Variants in PHEX observed in about 807,000 individuals in gnomAD.
PHEX encodes phosphate regulating endopeptidase X-linked, also known as phosphate-regulating neutral endopeptidase PHEX.
A neutral mutation model predicts 68.0 loss-of-function variants in PHEX; 16 were observed. That is an observed-to-expected ratio of 0.24 (90% CI 0.16 to 0.36). PHEX has a LOEUF of 0.36. PHEX is among the 10% of genes least tolerant of loss of function. The pLI is 1.00. For synonymous variants in PHEX, 208 were observed against 205.1 expected, an observed-to-expected ratio of 1.01 and a Z score of -0.12; for missense variants, 480 against 575.5, an observed-to-expected ratio of 0.83 and a Z score of 1.70.
chrX:22,036,972 G>A (rs997710925), intron 1 of PHEX, among the ~76,000 whole-genome samples: 10 of 107,609 alleles, frequency 9.3e-5, no homozygotes, highest in Non-Finnish European at 1.9e-4. Flanking sequence ...GGTGGCGGGT[G>A]CCTGTAGTCC....
chrX:22,114,892 T>C (rs1313334928), intron 11 of PHEX, among the ~76,000 whole-genome samples: 1 of 111,272 alleles, frequency 9.0e-6, no homozygotes, highest in Non-Finnish European at 1.9e-5. Flanking sequence ...TAGGTGAGGT[T>C]TGAGGTATTG....
At chrX:22,055,770 A>G (rs1301779059) in intron 3 of PHEX, among the ~76,000 whole-genome samples, 1 of 111,780 alleles carries the variant, frequency 8.9e-6, no homozygotes, top group African/African-American at 3.3e-5. Flanking sequence ...CGTGTTGGCC[A>G]GGCTGGTCTT....
chrX:22,061,221 T>C (rs1406357340), intron 3 of PHEX, among the ~76,000 whole-genome samples: 3 of 112,173 alleles, frequency 2.7e-5, no homozygotes, highest in Admixed American at 9.5e-5. Flanking sequence ...ATACTCTGAA[T>C]TGGTCAACGG....
chrX:22,165,891 A>G (rs1933298325), intron 12 of PHEX, among the ~76,000 whole-genome samples: 1 of 112,258 alleles, frequency 8.9e-6, no homozygotes, highest in Admixed American at 9.5e-5. Context: ...GTCTGACCCA[A>G]TTATTCAACT....
intron 3 of PHEX, among the ~76,000 whole-genome samples, chrX:22,055,688 A>G (rs1410076017): frequency 9.0e-6 from 1 of 110,967 alleles, no homozygotes; most frequent in Non-Finnish European, 1.9e-5. Flanking sequence ...CAGCTTCCTG[A>G]GTAGCTGGGA....
rs186375822 is a variant in PHEX, at chrX:22,216,455, A to C, written c.1701-2581A>C. Among the ~76,000 whole-genome samples the C allele has an allele frequency of 2.8e-3, 312 of 111,281 alleles. 1 individual carries two copies. The highest frequency in any genetic ancestry group is 9.3e-3 in the African/African-American group (286 of 30,709). ...CTTCCAGTTTCTGGCCAGCCAGTCAAGGTTGCATTTTAAAAGGGCGAGTTT... is the reference window on the plus strand; with the variant it reads ...CTTCCAGTTTCTGGCCAGCCAGTCACGGTTGCATTTTAAAAGGGCGAGTTT... On this transcript the variant is annotated intron_variant, in intron 16 of 21. Transcript: ENST00000379374.
chrX:22,044,367 G>T (rs1459044316), intron 2 of PHEX, among the ~76,000 whole-genome samples: 1 of 111,368 alleles, frequency 9.0e-6, no homozygotes, highest in South Asian at 3.7e-4. Context: ...CCAAAAGAAA[G>T]ATTTTGTTAT....
chrX:22,154,821 C>T (rs901170957), intron 12 of PHEX, among the ~76,000 whole-genome samples: 17 of 112,107 alleles, frequency 1.5e-4, no homozygotes, highest in African/African-American at 1.6e-4. Context: ...CTAAGCTAGA[C>T]GATGCCAGTG....
At chrX:22,074,970 G>A (rs189320666) in intron 3 of PHEX, among the ~76,000 whole-genome samples, 1 of 109,063 alleles carries the variant, frequency 9.2e-6, no homozygotes, top group African/African-American at 3.4e-5. Flanking sequence ...TCAGCTACTC[G>A]GGAGGCTGAG....
chrX:22,172,017 A>G (rs1933551489), intron 13 of PHEX: 2 of 112,368 alleles, frequency 1.8e-5, no homozygotes, highest in African/African-American at 3.2e-5. Flanking sequence ...ATAAAAGCAA[A>G]TGAGATAGAA....
chrX:22,236,550 A>C (rs1193265186), intron 20 of PHEX, among the ~76,000 whole-genome samples: 2 of 113,160 alleles, frequency 1.8e-5, no homozygotes, highest in African/African-American at 6.4e-5. Flanking sequence ...AGAACTTTCT[A>C]GAGTTGGGAT....
intron 12 of PHEX, among the ~76,000 whole-genome samples, chrX:22,146,632 C>T (rs919151566): frequency 4.5e-5 from 5 of 110,199 alleles, no homozygotes; most frequent in African/African-American, 1.3e-4. Flanking sequence ...GCCTGGCCAA[C>T]GTGGCGAAAT....
chrX:22,127,983 G>T (rs1931810095), intron 11 of PHEX, among the ~76,000 whole-genome samples: 1 of 111,774 alleles, frequency 8.9e-6, no homozygotes, highest in Admixed American at 9.5e-5. Flanking sequence ...GCAGTGGGCT[G>T]AAATGTTTTT....
intron 4 of PHEX, 91 bp downstream of exon 4, chrX:22,076,565 G>T (rs879199639): frequency 1.7e-6 from 1 of 599,251 alleles, no homozygotes; most frequent in South Asian, 2.5e-5. Flanking sequence ...AGGAAGAAGA[G>T]AACTACTAAG....
intron 20 of PHEX, among the ~76,000 whole-genome samples, chrX:22,229,997 G>A (rs1253236602): frequency 9.0e-6 from 1 of 111,182 alleles, no homozygotes; most frequent in African/African-American, 3.3e-5. Flanking sequence ...TATTAAATAG[G>A]GAATCCTTTC....
intron 2 of PHEX, among the ~76,000 whole-genome samples, chrX:22,040,054 G>A (rs925687458): frequency 1.2e-4 from 13 of 111,717 alleles, no homozygotes; most frequent in African/African-American, 1.6e-4. Context: ...AAACCTGGGG[G>A]TCCCACACAC....
chrX:22,228,716 A>ATACTT (rs376716075), intron 20 of PHEX, among the ~76,000 whole-genome samples: 14,692 of 106,970 alleles, frequency 0.14, 889 homozygotes, highest in African/African-American at 0.21. Flanking sequence ...CAGATGTTTC[A>ATACTT]TACTTTACTT....
At chrX:22,192,603 C>T (rs1204986453) in intron 15 of PHEX, among the ~76,000 whole-genome samples, 2 of 112,003 alleles carry the variant, frequency 1.8e-5, no homozygotes, top group Non-Finnish European at 3.8e-5. Context: ...TTATAGAGCA[C>T]ACCTGACACG....
chrX:22,056,182 C>G (rs1481716311), intron 3 of PHEX, among the ~76,000 whole-genome samples: 1 of 112,018 alleles, frequency 8.9e-6, no homozygotes, highest in Non-Finnish European at 1.9e-5. Flanking sequence ...TACTTTTATT[C>G]CTGGCACTAA....
Sources: gnomAD v4.1 joint callset for allele counts (sites outside exome capture counted in the v4.1 genomes callset) on GRCh38, gnomAD v4.1.1 for gene constraint, MANE v1.5 for transcripts, NCBI Gene and HGNC (gene_info 2026-07-23, HGNC 2026-07-21) for gene names.